UCHL5: variants seen among roughly 807,000 people sequenced by gnomAD.
UCHL5 encodes the protein ubiquitin carboxyl-terminal hydrolase isozyme L5.
A neutral mutation model predicts 53.8 loss-of-function variants in UCHL5; 34 were observed. The observed-to-expected ratio is 0.63, with a 90% CI of 0.48 to 0.84. UCHL5 has a LOEUF of 0.84. UCHL5 is among the 40% of genes least tolerant of loss of function. The pLI, the probability that UCHL5 is intolerant of heterozygous loss-of-function variation, is 0.00. For missense variants in UCHL5, 290 were observed against 385.6 expected (o/e 0.75, Z 2.08); for synonymous variants, 111 against 126.3 (o/e 0.88, Z 0.81).
At position 193,012,802 on chromosome 1, in the gene UCHL5, C is replaced by T. The variant is rs1050583358; in HGVS notation, c.*3549G>A. On this transcript the variant is annotated 3_prime_UTR_variant, in exon 11 of 11. Coordinates refer to ENST00000367454, the MANE Select transcript of UCHL5 (RefSeq NM_001199261.3). ...GGGCTTTTTCCTGTTATACTATCCT[C>T]TAGCATCTAGAACAACTCAGATGTA... 1 of 152,164 alleles carries T rather than the reference C, an allele frequency of 6.6e-6. No individual in the cohort carries two copies. The highest frequency in any genetic ancestry group is 2.1e-4 in the South Asian group (1 of 4,834). 9.4% of individuals were successfully genotyped at this position (152,164 alleles called of 1,614,324 possible).
chr1:193,053,957 G>A (rs1390999278), intron 1 of UCHL5, among the ~76,000 whole-genome samples: 1 of 150,048 alleles, frequency 6.7e-6, no homozygotes, highest in Non-Finnish European at 1.5e-5. Flanking sequence ...TACATATGAA[G>A]CATATATAGA....
intron 10 of UCHL5, chr1:193,020,553 C>G (rs879760857): frequency 1.6e-5 from 20 of 1,237,854 alleles, no homozygotes; most frequent in Non-Finnish European, 2.0e-5. Context: ...AACAATTTAA[C>G]TGCATTTTAC....
chr1:193,032,876 A>G (rs1332285318), intron 3 of UCHL5, among the ~76,000 whole-genome samples: 1 of 152,214 alleles, frequency 6.6e-6, no homozygotes, highest in Non-Finnish European at 1.5e-5. Flanking sequence ...GTCAGGAAAC[A>G]ACAGATGCTG....
chr1:193,057,894 T>C (rs558002190), intron 1 of UCHL5, among the ~76,000 whole-genome samples: 6 of 152,366 alleles, frequency 3.9e-5, no homozygotes, highest in Non-Finnish European at 7.3e-5. Flanking sequence ...AGTTTGACTG[T>C]CAATTATTCG....
At chr1:193,033,934 C>T (rs1221553178) in intron 3 of UCHL5, among the ~76,000 whole-genome samples, 1 of 152,098 alleles carries the variant, frequency 6.6e-6, no homozygotes, top group African/African-American at 2.4e-5. Context: ...GCTTGTTGTT[C>T]AAGAGACAAT....
intron 3 of UCHL5, among the ~76,000 whole-genome samples, chr1:193,046,150 G>A (rs555396783): frequency 6.6e-6 from 1 of 152,096 alleles, no homozygotes; most frequent in Non-Finnish European, 1.5e-5. Flanking sequence ...TCCCACCTCA[G>A]CCTCCAGAAT....
intron 10 of UCHL5, 35 bp from the exon 11 acceptor site, chr1:193,016,430 A>G (rs1438316170): frequency 2.5e-6 from 4 of 1,589,106 alleles, no homozygotes; most frequent in Non-Finnish European, 3.4e-6. Context: ...CAAAATTTTA[A>G]AAGTCAGTTT....
rs948764972 is a variant in UCHL5 at position 193,013,921 on chromosome 1, G to C, written c.*2430C>G. ...CTATCTTGGGAACTAAACATATAAG[G>C]TGAGAGTAGCCAGTGCCGCAGCTGT... On this transcript the variant is annotated 3_prime_UTR_variant, in exon 11 of 11. Coordinates refer to ENST00000367454, the MANE Select transcript of UCHL5 (RefSeq NM_001199261.3). 6.6e-6 allele frequency: 1 copy of C among 152,130 alleles called. No homozygotes were observed. The highest frequency in any genetic ancestry group is 1.5e-5 in the Non-Finnish European group (1 of 68,028). The allele number at this position is 152,130 out of a possible 1,614,324, so 9.4% of individuals were successfully genotyped here. A position where few individuals can be genotyped will look rare whatever the true frequency, so the allele number is the denominator to read the frequency against.
chr1:193,017,777 T>C (rs982312771), intron 10 of UCHL5, among the ~76,000 whole-genome samples: 4 of 151,484 alleles, frequency 2.6e-5, no homozygotes, highest in African/African-American at 4.8e-5. Context: ...TCACAATTAA[T>C]TGAGCACTAA....
rs1272888355 is a variant in UCHL5 at position 193,023,024 on chromosome 1, T to TA, written c.744dup (p.Thr249TyrfsTer5). 6.2e-7 allele frequency: 1 copy of TA among 1,612,214 alleles called. No homozygotes were observed. Among genetic ancestry groups the TA allele is most frequent in the Non-Finnish European group, 8.5e-7 (1 of 1,178,902 alleles). ...CTTAACATACTATTACCTTGATCTG[T>TA]ATCCATGGGTTCCTCCTTGGGGGAA... On this transcript the variant is annotated frameshift_variant, in exon 9 of 11. Coordinates refer to ENST00000367454, the MANE Select transcript of UCHL5 (RefSeq NM_001199261.3). LOFTEE classifies it high-confidence loss of function.
At chr1:193,058,290 A>T (rs959221467) in intron 1 of UCHL5, among the ~76,000 whole-genome samples, 36 of 152,234 alleles carry the variant, frequency 2.4e-4, no homozygotes, top group African/African-American at 8.4e-4. Flanking sequence ...GATGAACAAC[A>T]TATGCTTGAT....
chr1:193,055,038 C>T (rs1057000873), intron 1 of UCHL5, among the ~76,000 whole-genome samples: 8 of 152,138 alleles, frequency 5.3e-5, no homozygotes, highest in African/African-American at 1.9e-4. Context: ...CCAACCCTGT[C>T]GGTCAGGTCA....
rs535265521 is a variant in UCHL5 at position 193,033,429 on chromosome 1, C to T, written c.247-3772G>A. On this transcript the variant is annotated intron_variant, in intron 3 of 10. Coordinates refer to ENST00000367454, the MANE Select transcript of UCHL5 (RefSeq NM_001199261.3). ...CATTAGGAGAAATACCTAATGGAGA[C>T]GATGGGTCGATCAGTGCAGTAAACG... 4.0e-5 allele frequency among the ~76,000 whole-genome samples: 6 copies of T among 151,834 alleles called. No homozygotes were observed. In the South Asian group the frequency reaches 6.2e-4, roughly 16 times the overall value.
At chr1:193,024,796 T>A (rs1658526504) in intron 7 of UCHL5, among the ~76,000 whole-genome samples, 1 of 152,032 alleles carries the variant, frequency 6.6e-6, no homozygotes, top group Non-Finnish European at 1.5e-5. Context: ...CATTTTGCAT[T>A]AGTTTATCTC....
At chr1:193,028,625 T>A (rs1571583258) in intron 6 of UCHL5, among the ~76,000 whole-genome samples, 1 of 152,170 alleles carries the variant, frequency 6.6e-6, no homozygotes, top group East Asian at 1.9e-4. Context: ...GAGCCACAGA[T>A]TGTACCTTCA....
chr1:193,029,943 T>G (rs753570918), intron 3 of UCHL5, among the ~76,000 whole-genome samples: 7 of 152,262 alleles, frequency 4.6e-5, no homozygotes, highest in Middle Eastern at 3.4e-3. Flanking sequence ...ATGGAAAACA[T>G]AGCTGATTAA....
At position 193,015,665 on chromosome 1, in the gene UCHL5, T is replaced by G. The variant is rs575760425; in HGVS notation, c.*686A>C. ...ATTCTTTAAGATTTACAATTTCTTC[T>G]TAACCTGAAATTTTGCTTTGAAGCA... On this transcript the variant is annotated 3_prime_UTR_variant, in exon 11 of 11. Coordinates refer to ENST00000367454, the MANE Select transcript of UCHL5 (RefSeq NM_001199261.3). The G allele has an allele frequency of 2.0e-5, 3 of 152,174 alleles. No individual in the cohort carries two copies. The South Asian group carries it at 6.2e-4, about 32-fold the overall frequency. 9.4% of individuals were successfully genotyped at this position (152,174 alleles called of 1,614,324 possible).
chr1:193,058,263 G>A (rs1418013507), intron 1 of UCHL5, among the ~76,000 whole-genome samples: 1 of 152,052 alleles, frequency 6.6e-6, no homozygotes, highest in Admixed American at 6.5e-5. Context: ...CCTTACCACT[G>A]TGCCTGAGAT....
intron 3 of UCHL5, among the ~76,000 whole-genome samples, chr1:193,038,227 C>A (rs1046144247): frequency 6.6e-6 from 1 of 152,002 alleles, no homozygotes; most frequent in Non-Finnish European, 1.5e-5. Context: ...GAGGCCGAGG[C>A]GGGCAGATTA....
Sources: gnomAD v4.1 joint callset for allele counts (sites outside exome capture counted in the v4.1 genomes callset) on GRCh38, gnomAD v4.1.1 for gene constraint, MANE v1.5 for transcripts, NCBI Gene and HGNC (gene_info 2026-07-23, HGNC 2026-07-21) for gene names.